Variants in NKAIN3 observed in about 807,000 individuals in gnomAD.
NKAIN3 encodes the protein sodium/potassium transporting ATPase interacting 3.
In NKAIN3, 25 loss-of-function variants were observed where a neutral mutation model predicts 30.2. That is an observed-to-expected ratio of 0.83 (90% CI 0.60 to 1.16). NKAIN3 has a LOEUF of 1.16. Among genes scored for constraint, NKAIN3 ranks in the 50% most tolerant of loss-of-function variants. The probability of loss-of-function intolerance (pLI) is 0.00; values close to 1 mark genes in which losing one functional copy is unlikely to be tolerated. For missense variants in NKAIN3, 225 were observed against 254.1 expected, an observed-to-expected ratio of 0.89 and a Z score of 0.78; for synonymous variants, 91 against 89.6, an observed-to-expected ratio of 1.02 and a Z score of -0.09.
At chr8:62,484,940 G>A (rs1009159259) in intron 1 of NKAIN3, among the ~76,000 whole-genome samples, 1 of 152,160 alleles carries the variant, frequency 6.6e-6, no homozygotes, top group African/African-American at 2.4e-5. Flanking sequence ...AGTGGCAGCA[G>A]CACCTCCCAT....
At chr8:62,399,574 C>A (rs1157589589) in intron 1 of NKAIN3, among the ~76,000 whole-genome samples, 2 of 152,058 alleles carry the variant, frequency 1.3e-5, no homozygotes, top group African/African-American at 4.8e-5. Flanking sequence ...AAACAAGCAA[C>A]AATTGTATAA....
chr8:62,798,202 G>A (rs1459601908), intron 4 of NKAIN3, among the ~76,000 whole-genome samples: 2 of 152,200 alleles, frequency 1.3e-5, no homozygotes, highest in East Asian at 3.9e-4. Context: ...AGAGTTTGGG[G>A]GTAAACTCTA....
intron 4 of NKAIN3, among the ~76,000 whole-genome samples, chr8:62,892,210 G>C (rs1427944254): frequency 6.6e-6 from 1 of 151,922 alleles, no homozygotes; most frequent in Non-Finnish European, 1.5e-5. Context: ...TTCCAAATTA[G>C]AAAAAAATAA....
intron 1 of NKAIN3, among the ~76,000 whole-genome samples, chr8:62,420,211 G>T (rs7816284): frequency 6.6e-6 from 1 of 152,124 alleles, no homozygotes; most frequent in Non-Finnish European, 1.5e-5. Flanking sequence ...TAGGCATTAT[G>T]AAATTTACCT....
chr8:62,478,708 T>A (rs1401924517), intron 1 of NKAIN3, among the ~76,000 whole-genome samples: 1 of 152,220 alleles, frequency 6.6e-6, no homozygotes, highest in African/African-American at 2.4e-5. Flanking sequence ...TTTTAAAAAA[T>A]ATTTATTTCC....
At chr8:62,493,237 C>A (rs1807129135) in intron 1 of NKAIN3, among the ~76,000 whole-genome samples, 1 of 152,048 alleles carries the variant, frequency 6.6e-6, no homozygotes, top group Non-Finnish European at 1.5e-5. Flanking sequence ...CAATCTTCTG[C>A]ACATGGCTAG....
intron 5 of NKAIN3, among the ~76,000 whole-genome samples, chr8:62,942,800 A>C (rs1312148083): frequency 6.6e-6 from 1 of 152,164 alleles, no homozygotes; most frequent in East Asian, 1.9e-4. Context: ...CTATTCGACA[A>C]ATGGTGCTGG....
intron 1 of NKAIN3, among the ~76,000 whole-genome samples, chr8:62,326,168 T>A (rs1169079187): frequency 6.6e-6 from 1 of 151,968 alleles, no homozygotes; most frequent in African/African-American, 2.4e-5. Context: ...AGGATGACAT[T>A]CTTTTTATAT....
chr8:62,464,706 T>A (rs1806101144), intron 1 of NKAIN3, among the ~76,000 whole-genome samples: 1 of 152,204 alleles, frequency 6.6e-6, no homozygotes, highest in Non-Finnish European at 1.5e-5. Context: ...GCAAAATAGT[T>A]GTTTATTGTC....
intron 3 of NKAIN3, among the ~76,000 whole-genome samples, chr8:62,669,917 A>G (rs769471112): frequency 2.1e-4 from 32 of 152,162 alleles, no homozygotes; most frequent in Non-Finnish European, 2.8e-4. Context: ...TTAAAATGAT[A>G]TATTTTCCTT....
chr8:62,855,637 G>A (rs1447930484), intron 4 of NKAIN3: 1 of 1,604,102 alleles, frequency 6.2e-7, no homozygotes, highest in African/African-American at 1.3e-5. Flanking sequence ...CCAAGGCCAA[G>A]GCCTCCAGGT....
chr8:62,274,475 T>C (rs111282875), intron 1 of NKAIN3, among the ~76,000 whole-genome samples: 62 of 152,290 alleles, frequency 4.1e-4, no homozygotes, highest in African/African-American at 5.5e-4. Context: ...ATCTAAGGCG[T>C]TGGGGAAGGT....
chr8:62,301,657 T>C (rs1172665895), intron 1 of NKAIN3, among the ~76,000 whole-genome samples: 1 of 152,084 alleles, frequency 6.6e-6, no homozygotes, highest in African/African-American at 2.4e-5. Context: ...AACAGTAGCA[T>C]TGATATATTA....
intron 1 of NKAIN3, among the ~76,000 whole-genome samples, chr8:62,318,015 A>T (rs1433647402): frequency 6.6e-6 from 1 of 152,090 alleles, no homozygotes; most frequent in Admixed American, 6.5e-5. Context: ...TTGGATTCCT[A>T]GGTATTTTAT....
At position 62,902,327 on chromosome 8, in the gene NKAIN3, A is replaced by G. The variant is rs1821637821; in HGVS notation, c.472-16126A>G. On this transcript the variant is annotated intron_variant, in intron 4 of 6. Transcript: ENST00000623646. ...AAGAACAAGGGTTTTAAGTAGCTAG[A>G]GGTTGAAGTCAATAGCTCAAGATGG... Among the ~76,000 whole-genome samples the G allele has an allele frequency of 3.3e-5, 5 of 152,360 alleles. No homozygotes were observed. The South Asian group carries it at 1.0e-3, about 32-fold the overall frequency.
At chr8:62,350,828 T>C (rs1446694952) in intron 1 of NKAIN3, among the ~76,000 whole-genome samples, 1 of 151,826 alleles carries the variant, frequency 6.6e-6, no homozygotes, top group Non-Finnish European at 1.5e-5. Flanking sequence ...GTAGCTGTGA[T>C]TACAGGCACT....
intron 1 of NKAIN3, among the ~76,000 whole-genome samples, chr8:62,505,441 G>C (rs13256468): frequency 0.072 from 10,978 of 152,202 alleles, 496 homozygotes; most frequent in African/African-American, 0.13. Context: ...TTTCTCATTA[G>C]GAACATAATG....
chr8:62,404,259 G>C (rs997558410), intron 1 of NKAIN3, among the ~76,000 whole-genome samples: 3 of 152,160 alleles, frequency 2.0e-5, no homozygotes, highest in African/African-American at 7.2e-5. Flanking sequence ...TGACTTTTGA[G>C]TTAATGCTGG....
chr8:62,316,044 A>C (rs1328026552), intron 1 of NKAIN3, among the ~76,000 whole-genome samples: 3 of 152,100 alleles, frequency 2.0e-5, no homozygotes, highest in African/African-American at 7.2e-5. Flanking sequence ...TGATGGTTTT[A>C]TAAGGGACTT....
Sources: gnomAD v4.1 joint callset for allele counts (sites outside exome capture counted in the v4.1 genomes callset) on GRCh38, gnomAD v4.1.1 for gene constraint, MANE v1.5 for transcripts, NCBI Gene and HGNC (gene_info 2026-07-23, HGNC 2026-07-21) for gene names.